The following LHFPL6 variants were observed in gnomAD, a reference collection of about 807,000 sequenced individuals.
LHFPL6 encodes the protein LHFPL tetraspan subfamily member 6 protein.
A neutral mutation model predicts 20.6 loss-of-function variants in LHFPL6; 9 were observed. The ratio of observed to expected loss-of-function variants is 0.44; its 90% CI spans 0.26 to 0.76. LHFPL6 has a LOEUF of 0.76. LHFPL6 is among the 30% of genes least tolerant of loss of function. The pLI is 0.20. For synonymous variants in LHFPL6, 105 were observed against 98.7 expected (o/e 1.06, Z -0.38); for missense variants, 218 against 253.5 (o/e 0.86, Z 0.95).
chr13:39,428,987 T>C (rs146546427), intron 2 of LHFPL6, among the ~76,000 whole-genome samples: 15 of 152,318 alleles, frequency 9.8e-5, no homozygotes, highest in African/African-American at 3.6e-4. Flanking sequence ...GATATCTTTA[T>C]AATACTTACT....
chr13:39,366,295 TCAC>T (rs1870011189), intron 3 of LHFPL6, among the ~76,000 whole-genome samples: 1 of 152,228 alleles, frequency 6.6e-6, no homozygotes, highest in Non-Finnish European at 1.5e-5. Context: ...ATTTTTAATT[TCAC>T]CAATGAAAGT....
intron 2 of LHFPL6, among the ~76,000 whole-genome samples, chr13:39,508,856 C>T (rs1190136239): frequency 1.3e-5 from 2 of 152,154 alleles, no homozygotes; most frequent in African/African-American, 4.8e-5. Flanking sequence ...TTAGTAGATA[C>T]CTATGAATGG....
intron 2 of LHFPL6, among the ~76,000 whole-genome samples, chr13:39,556,514 G>A (rs1355985875): frequency 3.3e-5 from 5 of 152,200 alleles, no homozygotes; most frequent in African/African-American, 1.2e-4. Context: ...CCCTAGGGAT[G>A]TGTGGAAGTT....
intron 2 of LHFPL6, among the ~76,000 whole-genome samples, chr13:39,454,994 T>C (rs1489416483): frequency 6.6e-6 from 1 of 152,122 alleles, no homozygotes; most frequent in Non-Finnish European, 1.5e-5. Context: ...ATTCTGTCAA[T>C]AAAAGTCAAG....
chr13:39,584,973 T>C (rs1412075913), intron 2 of LHFPL6, among the ~76,000 whole-genome samples: 1 of 152,194 alleles, frequency 6.6e-6, no homozygotes, highest in Non-Finnish European at 1.5e-5. Context: ...ACTCTGACCA[T>C]GTACCTAGAT....
chr13:39,511,892 T>C (rs988961637), intron 2 of LHFPL6, among the ~76,000 whole-genome samples: 1 of 152,180 alleles, frequency 6.6e-6, no homozygotes. Flanking sequence ...GCACCCTCCA[T>C]TGTAGCTTCC....
chr13:39,596,352 ATCT>A (rs1308791680), intron 2 of LHFPL6, among the ~76,000 whole-genome samples: 1 of 152,146 alleles, frequency 6.6e-6, no homozygotes, highest in Non-Finnish European at 1.5e-5. Context: ...CAGAAGTCTC[ATCT>A]TCTTAAATAG....
intron 2 of LHFPL6, among the ~76,000 whole-genome samples, chr13:39,394,112 T>A (rs1870778660): frequency 6.6e-6 from 1 of 152,144 alleles, no homozygotes; most frequent in African/African-American, 2.4e-5. Flanking sequence ...AGCTAGTTTT[T>A]TATGTGTTGT....
intron 2 of LHFPL6, among the ~76,000 whole-genome samples, chr13:39,461,169 TGTC>T (rs529676908): frequency 1.3e-4 from 20 of 152,152 alleles, no homozygotes; most frequent in Non-Finnish European, 2.4e-4. Flanking sequence ...AACATGATCT[TGTC>T]GTTTTTATGG....
chr13:39,360,692 CAGCTGT>C (rs2138344604), intron 3 of LHFPL6, among the ~76,000 whole-genome samples: 2 of 90,706 alleles, frequency 2.2e-5, no homozygotes, highest in African/African-American at 6.4e-5. Context: ...GGGCAATGAC[CAGCTGT>C]TCAAACGCTA....
chr13:39,514,464 G>A (rs1869833192), intron 2 of LHFPL6, among the ~76,000 whole-genome samples: 1 of 152,154 alleles, frequency 6.6e-6, no homozygotes, highest in African/African-American at 2.4e-5. Context: ...AGGTCCCTAG[G>A]CAGTAGGTAT....
At chr13:39,581,726 AC>A (rs952686247) in intron 2 of LHFPL6, among the ~76,000 whole-genome samples, 11 of 152,014 alleles carry the variant, frequency 7.2e-5, no homozygotes, top group Admixed American at 3.3e-4. Context: ...CCAAAAACAA[AC>A]CAAAAAAAAG....
At chr13:39,366,836 C>T (rs1015584920) in intron 3 of LHFPL6, among the ~76,000 whole-genome samples, 17 of 152,188 alleles carry the variant, frequency 1.1e-4, no homozygotes, top group Admixed American at 9.8e-4. Context: ...TAAGGGAACT[C>T]AAATCTTTTA....
At chr13:39,553,497 A>C (rs1871203281) in intron 2 of LHFPL6, among the ~76,000 whole-genome samples, 1 of 152,150 alleles carries the variant, frequency 6.6e-6, no homozygotes, top group African/African-American at 2.4e-5. Flanking sequence ...GGATCCCTTG[A>C]GCTCAGGAGT....
At chr13:39,600,538 T>C (rs1872903191) in intron 2 of LHFPL6, among the ~76,000 whole-genome samples, 1 of 152,164 alleles carries the variant, frequency 6.6e-6, no homozygotes, top group Non-Finnish European at 1.5e-5. Context: ...AGCTATAAAA[T>C]CCAAACTGTC....
At chr13:39,366,485 T>C (rs1870017455) in intron 3 of LHFPL6, among the ~76,000 whole-genome samples, 1 of 152,210 alleles carries the variant, frequency 6.6e-6, no homozygotes, top group Non-Finnish European at 1.5e-5. Flanking sequence ...CGAGTTGTGG[T>C]TTCCCTTAAA....
intron 2 of LHFPL6, among the ~76,000 whole-genome samples, chr13:39,568,069 T>TTA (rs1345035353): frequency 2.6e-5 from 4 of 152,212 alleles, no homozygotes; most frequent in Non-Finnish European, 5.9e-5. Context: ...TCATTGGGAG[T>TTA]TATTTTTTCT....
intron 2 of LHFPL6, among the ~76,000 whole-genome samples, chr13:39,558,957 C>T (rs1445894055): frequency 1.3e-5 from 2 of 152,144 alleles, no homozygotes; most frequent in Non-Finnish European, 2.9e-5. Flanking sequence ...GAAATCACGC[C>T]TTTGGTCTTG....
intron 3 of LHFPL6, among the ~76,000 whole-genome samples, chr13:39,350,140 T>C (rs1020490321): frequency 1.3e-5 from 2 of 152,238 alleles, no homozygotes; most frequent in African/African-American, 4.8e-5. Flanking sequence ...GAAGCTTACT[T>C]TCCAGTTCAT....
Sources: gnomAD v4.1 joint callset for allele counts (sites outside exome capture counted in the v4.1 genomes callset) on GRCh38, gnomAD v4.1.1 for gene constraint, MANE v1.5 for transcripts, NCBI Gene and HGNC (gene_info 2026-07-23, HGNC 2026-07-21) for gene names.